SIRT4: variants seen among roughly 807,000 people sequenced by gnomAD.
SIRT4 encodes NAD-dependent protein lipoamidase sirtuin-4, mitochondrial.
SIRT4 carries 23 observed loss-of-function variants against 26.1 expected under a neutral mutation model. The ratio of observed to expected loss-of-function variants is 0.88; its 90% confidence interval spans 0.63 to 1.25. The LOEUF (loss-of-function observed/expected upper bound fraction) is 1.25, where lower values mean the gene tolerates loss of function less well. Ranked by LOEUF, SIRT4 falls within the 50% of genes most tolerant of loss-of-function variation. The probability of loss-of-function intolerance (pLI) is 0.00; values close to 1 mark genes in which losing one functional copy is unlikely to be tolerated. For synonymous variants in SIRT4, 155 were observed against 158.4 expected, an observed-to-expected ratio of 0.98 and a Z score of 0.16; for missense variants, 361 against 405.4, an observed-to-expected ratio of 0.89 and a Z score of 0.94.
At chr12:120,299,222 AAAAT>A (rs34606459), upstream of SIRT4, among the ~76,000 whole-genome samples, 16 of 143,590 alleles carry the variant, frequency 1.1e-4, no homozygotes, top group Admixed American at 2.8e-4. Context: ...CTCCGTCTCA[AAAAT>A]AAATAAATAA....
chr12:120,294,931 G>A, the SIRT4 span, among the ~76,000 whole-genome samples: 1 of 150,878 alleles, frequency 6.6e-6, no homozygotes, highest in Non-Finnish European at 1.5e-5. Flanking sequence ...GGTTCAAGCA[G>A]TTCTCCTGTC....
At chr12:120,306,212 G>A (rs1192842835) in intron 2 of SIRT4, among the ~76,000 whole-genome samples, 7 of 151,170 alleles carry the variant, frequency 4.6e-5, no homozygotes, top group African/African-American at 7.3e-5. Context: ...ACGGTGGCTC[G>A]CGCCTGTAAT....
intron 1 of SIRT4, among the ~76,000 whole-genome samples, chr12:120,303,174 A>G (rs1038615994): frequency 3.3e-5 from 5 of 152,080 alleles, no homozygotes; most frequent in Middle Eastern, 3.4e-3. Context: ...CATGAACAAA[A>G]TCAAACAAAA....
intron 2 of SIRT4, among the ~76,000 whole-genome samples, chr12:120,306,620 G>A (rs533139295): frequency 5.9e-4 from 90 of 152,186 alleles, no homozygotes; most frequent in African/African-American, 1.8e-3. Context: ...TGGCCCACAC[G>A]GTGAAACCCC....
intron 2 of SIRT4, among the ~76,000 whole-genome samples, chr12:120,305,622 G>C (rs1371203606): frequency 6.6e-6 from 1 of 152,020 alleles, no homozygotes; most frequent in East Asian, 1.9e-4. Context: ...CACTCTAGGG[G>C]AATTAATTCC....
At chr12:120,312,813 C>A in intron 3 of SIRT4, 63 bp downstream of exon 3, 3 of 1,607,356 alleles carry the variant, frequency 1.9e-6, no homozygotes, top group Non-Finnish European at 2.6e-6. Flanking sequence ...TGGAGAGACA[C>A]CCTGTTTGGT....
chr12:120,294,689 T>G, the SIRT4 span, among the ~76,000 whole-genome samples: 1 of 151,864 alleles, frequency 6.6e-6, no homozygotes, highest in Non-Finnish European at 1.5e-5. Flanking sequence ...GGATACTTTC[T>G]GTATTTTTCG....
chr12:120,301,038 C>A (rs908084918), upstream of SIRT4, among the ~76,000 whole-genome samples: 1 of 152,250 alleles, frequency 6.6e-6, no homozygotes, highest in Admixed American at 6.6e-5. Flanking sequence ...TATTTGGCTT[C>A]ATATTAACTG....
intron 2 of SIRT4, 121 bp from the exon 3 acceptor site, chr12:120,312,335 T>G: frequency 2.2e-6 from 2 of 889,274 alleles, no homozygotes; most frequent in Non-Finnish European, 1.7e-6. Flanking sequence ...GGGGTGGGGA[T>G]TGTGTGTTAG....
chr12:120,291,869 C>G, the SIRT4 span: 1 of 152,094 alleles, frequency 6.6e-6, no homozygotes, highest in African/African-American at 2.4e-5. Context: ...CTCGGATAAA[C>G]CTCATTGGCT....
chr12:120,307,381 C>T (rs892328180), intron 2 of SIRT4, among the ~76,000 whole-genome samples: 3 of 151,838 alleles, frequency 2.0e-5, no homozygotes, highest in African/African-American at 4.8e-5. Flanking sequence ...CCCAGCTACT[C>T]GGGAGGCTGA....
At chr12:120,292,887 G>T in the SIRT4 span, among the ~76,000 whole-genome samples, 1 of 152,298 alleles carries the variant, frequency 6.6e-6, no homozygotes, top group East Asian at 1.9e-4. Flanking sequence ...TACCTTAAAA[G>T]TAGAGATCAC....
upstream of SIRT4, among the ~76,000 whole-genome samples, chr12:120,301,743 T>C (rs1048911032): frequency 1.3e-5 from 2 of 151,426 alleles, no homozygotes; most frequent in Non-Finnish European, 2.9e-5. Context: ...GGGTAAAGCA[T>C]AGACAGGCAC....
upstream of SIRT4, among the ~76,000 whole-genome samples, chr12:120,300,843 TTGATTTAGGTGA>T (rs1872515540): frequency 6.6e-6 from 1 of 152,136 alleles, no homozygotes; most frequent in Non-Finnish European, 1.5e-5. Flanking sequence ...TATACATTTA[TTGATTTAGGTGA>T]TGCTGCAGAG....
At chr12:120,308,165 CTTTTTTTTTT>C (rs10707396) in intron 2 of SIRT4, among the ~76,000 whole-genome samples, 1 of 85,012 alleles carries the variant, frequency 1.2e-5, no homozygotes, top group Non-Finnish European at 2.3e-5. Context: ...CCCAAGAAAG[CTTTTTTTTTT>C]TTTTTTTTTT....
At chr12:120,297,887 T>TG (rs577959750), upstream of SIRT4, among the ~76,000 whole-genome samples, 386 of 152,080 alleles carry the variant, frequency 2.5e-3, 3 homozygotes, top group Middle Eastern at 6.8e-3. Context: ...TTTTAAATTT[T>TG]GGGGGGGATT....
chr12:120,291,859 C>G, the SIRT4 span: 1 of 152,136 alleles, frequency 6.6e-6, no homozygotes, highest in Non-Finnish European at 1.5e-5. Flanking sequence ...ATAATCGCGC[C>G]TCGGATAAAC....
the SIRT4 span, among the ~76,000 whole-genome samples, chr12:120,296,223 A>ATT: frequency 6.8e-6 from 1 of 146,004 alleles, no homozygotes; most frequent in Non-Finnish European, 1.5e-5. Flanking sequence ...CAAAAATGAC[A>ATT]TTTTTTTTTT....
At chr12:120,293,295 G>C in the SIRT4 span, 1 of 152,188 alleles carries the variant, frequency 6.6e-6, no homozygotes, top group Non-Finnish European at 1.5e-5. Flanking sequence ...TTTCGCAAAG[G>C]TGAGTTTAGG....
Sources: allele counts gnomAD v4.1 joint callset (sites outside exome capture counted in the v4.1 genomes callset), GRCh38; gene constraint gnomAD v4.1.1; transcripts MANE v1.5; gene names NCBI Gene and HGNC (gene_info 2026-07-23, HGNC 2026-07-21).